ECT2: variants seen among roughly 807,000 people sequenced by gnomAD.
The protein encoded by ECT2 is protein ECT2.
ECT2 carries 61 observed loss-of-function variants against 116.9 expected under a neutral mutation model. That is an observed-to-expected ratio of 0.52 (90% CI 0.42 to 0.65). ECT2 has a LOEUF of 0.65. Ranked by LOEUF, ECT2 falls within the 30% of genes least tolerant of loss-of-function variation. The probability of loss-of-function intolerance (pLI) is 0.00; values close to 1 mark genes in which losing one functional copy is unlikely to be tolerated. For synonymous variants in ECT2, 358 were observed against 346.4 expected (o/e 1.03, Z -0.37); for missense variants, 937 against 1,078.7 (o/e 0.87, Z 1.84).
At chr3:172,767,581 A>G (rs1362059310) in intron 12 of ECT2, among the ~76,000 whole-genome samples, 2 of 152,204 alleles carry the variant, frequency 1.3e-5, no homozygotes, top group Non-Finnish European at 2.9e-5. Context: ...TATGTCATAC[A>G]TTCCTTTTCC....
At chr3:172,787,848 T>C (rs773733487) in intron 18 of ECT2, among the ~76,000 whole-genome samples, 2 of 152,226 alleles carry the variant, frequency 1.3e-5, no homozygotes, top group Non-Finnish European at 2.9e-5. Flanking sequence ...TTGTTATTTA[T>C]GTACAATATA....
At chr3:172,751,366 C>T (rs938620944) in intron 1 of ECT2, among the ~76,000 whole-genome samples, 6 of 152,244 alleles carry the variant, frequency 3.9e-5, no homozygotes, top group Admixed American at 2.6e-4. Context: ...AAGGCGCAGC[C>T]TCTGGATTTA....
rs2108404756 is a variant in ECT2 at position 172,756,873 on chromosome 3, T to C, written c.304-110T>C. Reference sequence around the variant, plus strand: ...GATAGAAACTTATTTTCTACAAATATAAACATGTTAAAGTTGATATTGAAT... The same window carrying C: ...GATAGAAACTTATTTTCTACAAATACAAACATGTTAAAGTTGATATTGAAT... On this transcript the variant is annotated intron_variant, in intron 4 of 24. Transcript: ENST00000392692. The C allele has an allele frequency of 5.4e-6, 5 of 919,892 alleles. No homozygotes were observed. In the South Asian group the frequency reaches 5.5e-5, roughly 10 times the overall value. The allele number at this position is 919,892 out of a possible 1,614,324, so 57.0% of individuals were successfully genotyped here.
At chr3:172,784,138 A>ATT (rs942506905) in intron 16 of ECT2, among the ~76,000 whole-genome samples, 1 of 144,064 alleles carries the variant, frequency 6.9e-6, no homozygotes. Context: ...ATATGTGGTC[A>ATT]TTTTTTTTTT....
chr3:172,805,878 G>T lies in ECT2; in HGVS notation c.2245+9G>T. ...CATAAGAGAGACAGAAGGTATGCCGGTCGGATACATTCTTGGTTATATAAA... is the reference window on the plus strand; with the variant it reads ...CATAAGAGAGACAGAAGGTATGCCGTTCGGATACATTCTTGGTTATATAAA... On this transcript the variant is annotated intron_variant, in intron 21 of 24. Coordinates refer to ENST00000392692, the MANE Select transcript of ECT2 (RefSeq NM_001258315.2). 1 of 1,610,698 alleles carries T rather than the reference G, an allele frequency of 6.2e-7. No homozygotes were observed.
intron 15 of ECT2, 136 bp downstream of exon 15, chr3:172,782,367 G>T (rs1722863614): frequency 4.4e-6 from 2 of 457,322 alleles, no homozygotes; most frequent in Admixed American, 4.1e-5. Context: ...AAATACATTG[G>T]AAATGTTCTT....
chr3:172,825,222 CTT>C (rs1270205991), downstream of ECT2, among the ~76,000 whole-genome samples: 1 of 152,074 alleles, frequency 6.6e-6, no homozygotes, highest in Non-Finnish European at 1.5e-5. Context: ...AGACTGAAAA[CTT>C]TATCGGTAAT....
intron 14 of ECT2, among the ~76,000 whole-genome samples, chr3:172,775,726 C>T (rs373924623): frequency 1.3e-3 from 197 of 151,548 alleles, no homozygotes; most frequent in Middle Eastern, 0.01. Flanking sequence ...CTCTGCCTCC[C>T]GGGTTCAAGT....
intron 21 of ECT2, among the ~76,000 whole-genome samples, chr3:172,806,597 CTT>C (rs369478058): frequency 0.05 from 3,930 of 78,360 alleles, 109 homozygotes; most frequent in East Asian, 0.24. Flanking sequence ...AGAAATTATT[CTT>C]TTTTTTTTTT....
chr3:172,815,596 T>G lies in ECT2; in HGVS notation c.2401-8T>G. On this transcript the variant is annotated splice_region_variant and splice_polypyrimidine_tract_variant and intron_variant, in intron 22 of 24. Coordinates refer to ENST00000392692, the MANE Select transcript of ECT2 (RefSeq NM_001258315.2). ...TTTAAGATAACAAAAAGTATTATTT[T>G]TCAATAGGAGAATCTTATTTATACT... 1 of 1,515,674 alleles carries G rather than the reference T, an allele frequency of 6.6e-7. No individual in the cohort carries two copies. Among genetic ancestry groups the G allele is most frequent in the Non-Finnish European group, 9.0e-7 (1 of 1,113,332 alleles). The allele number at this position is 1,515,674 out of a possible 1,614,324, so 93.9% of individuals were successfully genotyped here. A position where few individuals can be genotyped will look rare whatever the true frequency, so the allele number is the denominator to read the frequency against.
chr3:172,802,677 G>T lies in ECT2; in HGVS notation c.1969G>T (p.Glu657Ter). 1 of 1,602,100 alleles carries T rather than the reference G, an allele frequency of 6.2e-7. No homozygotes were observed. Residue 657 changes from glutamate to a stop codon, truncating the protein, a stop_gained, in exon 19 of 25, where the codon GAA becomes TAA. Transcript: ENST00000392692. LOFTEE classifies it high-confidence loss of function. The stretch of plus-strand genomic sequence containing the variant: ...AAAGCAAATTTTTGATGTTGTTTAT[G>T]AAGTAGATGGATGCCCAGTAAGTAT... ...AQKQIFDVVY[E>*]VDGCPANLLS...
chr3:172,767,739 C>A (rs1016550756), intron 12 of ECT2, among the ~76,000 whole-genome samples: 1 of 135,016 alleles, frequency 7.4e-6, no homozygotes, highest in African/African-American at 3.8e-5. Context: ...TTTTTTGAGA[C>A]GGAGTCTTGC....
At chr3:172,767,310 G>A (rs1443537012) in intron 12 of ECT2, among the ~76,000 whole-genome samples, 2 of 151,968 alleles carry the variant, frequency 1.3e-5, no homozygotes, top group Non-Finnish European at 1.5e-5. Flanking sequence ...GTGTGGTGGT[G>A]TGCGCCTGTA....
downstream of ECT2, among the ~76,000 whole-genome samples, chr3:172,822,203 G>A (rs1730724911): frequency 6.6e-6 from 1 of 151,808 alleles, no homozygotes; most frequent in African/African-American, 2.4e-5. Flanking sequence ...AAAGAAGAAA[G>A]ACATGTGATT....
At chr3:172,779,333 G>A (rs1722296335) in intron 14 of ECT2, among the ~76,000 whole-genome samples, 1 of 151,776 alleles carries the variant, frequency 6.6e-6, no homozygotes. Flanking sequence ...AATCTTCCCA[G>A]TTCTTGATGT....
intron 12 of ECT2, 82 bp downstream of exon 12, chr3:172,764,582 G>A: frequency 7.8e-7 from 1 of 1,278,308 alleles, no homozygotes; most frequent in Non-Finnish European, 1.1e-6. Context: ...CCCTGATATA[G>A]TGAATATGGA....
intron 17 of ECT2, 119 bp from the exon 18 acceptor site, chr3:172,786,372 TAA>T: frequency 1.6e-6 from 1 of 636,460 alleles, no homozygotes. Flanking sequence ...TAAAACTTTT[TAA>T]AAAATAAGGA....
At chr3:172,828,494 T>C in the ECT2 span, among the ~76,000 whole-genome samples, 1 of 152,102 alleles carries the variant, frequency 6.6e-6, no homozygotes, top group Non-Finnish European at 1.5e-5. Context: ...AGAGCTGTAG[T>C]AATCAAAACA....
chr3:172,794,974 A>C (rs1725348971), intron 18 of ECT2, among the ~76,000 whole-genome samples: 1 of 152,100 alleles, frequency 6.6e-6, no homozygotes, highest in Non-Finnish European at 1.5e-5. Context: ...GGCCTCCCAA[A>C]GTTCTTCGAT....
Sources: allele counts gnomAD v4.1 joint callset (sites outside exome capture counted in the v4.1 genomes callset), GRCh38; gene constraint gnomAD v4.1.1; transcripts MANE v1.5; gene names NCBI Gene and HGNC (gene_info 2026-07-23, HGNC 2026-07-21).